The following ZFAND3 variants were observed in gnomAD, a reference collection of about 807,000 sequenced individuals.
ZFAND3 encodes zinc finger AN1-type containing 3.
A neutral mutation model predicts 29.6 loss-of-function variants in ZFAND3; 10 were observed. The ratio of observed to expected loss-of-function variants is 0.34; its 90% CI spans 0.21 to 0.57. The LOEUF (loss-of-function observed/expected upper bound fraction) is 0.57. ZFAND3 is among the 20% of genes least tolerant of loss of function. The pLI is 0.86. For synonymous variants in ZFAND3, 128 were observed against 112.6 expected (o/e 1.14, Z -0.87); for missense variants, 230 against 304.5 (o/e 0.76, Z 1.82).
intron 2 of ZFAND3, among the ~76,000 whole-genome samples, chr6:38,027,188 C>G (rs1474990484): frequency 6.6e-6 from 1 of 152,156 alleles, no homozygotes; most frequent in Non-Finnish European, 1.5e-5. Flanking sequence ...GGAATAGTTA[C>G]GAGAGTAGAT....
At chr6:37,921,380 T>A (rs1017437783) in intron 1 of ZFAND3, among the ~76,000 whole-genome samples, 2 of 152,074 alleles carry the variant, frequency 1.3e-5, no homozygotes, top group Non-Finnish European at 2.9e-5. Context: ...CTGTTTTTTT[T>A]TATACTTTTC....
chr6:38,093,741 A>G (rs1275292288), intron 4 of ZFAND3, among the ~76,000 whole-genome samples: 1 of 152,186 alleles, frequency 6.6e-6, no homozygotes, highest in East Asian at 1.9e-4. Context: ...TGAAATCATT[A>G]AAGAGGGCCT....
chr6:38,146,931 T>C (rs1177471099), intron 5 of ZFAND3, among the ~76,000 whole-genome samples: 1 of 152,234 alleles, frequency 6.6e-6, no homozygotes, highest in Non-Finnish European at 1.5e-5. Context: ...TCAGTGAATT[T>C]GATTTTTTTT....
chr6:37,913,511 C>T (rs1028597442), intron 1 of ZFAND3, among the ~76,000 whole-genome samples: 2 of 152,086 alleles, frequency 1.3e-5, no homozygotes, highest in Non-Finnish European at 2.9e-5. Flanking sequence ...ACAGTTATTT[C>T]CTTCACTGAA....
intron 1 of ZFAND3, among the ~76,000 whole-genome samples, chr6:37,880,538 C>A (rs1764873136): frequency 6.6e-6 from 1 of 152,034 alleles, no homozygotes; most frequent in Admixed American, 6.6e-5. Flanking sequence ...ATGAGATACC[C>A]CCTCTGAACC....
intron 5 of ZFAND3, among the ~76,000 whole-genome samples, chr6:38,133,940 G>T (rs1765792584): frequency 6.6e-6 from 1 of 152,096 alleles, no homozygotes; most frequent in Admixed American, 6.5e-5. Flanking sequence ...GTGAGGAGAG[G>T]ACTACAGCAG....
chr6:38,038,955 T>C (rs1763710590), intron 2 of ZFAND3, among the ~76,000 whole-genome samples: 1 of 152,186 alleles, frequency 6.6e-6, no homozygotes, highest in Non-Finnish European at 1.5e-5. Context: ...TTTTGAGAAG[T>C]AAAACTACGG....
In ZFAND3 at chr6:38,018,394, A is replaced by C. The variant is rs550767686; in HGVS notation, c.113-43199A>C. Reference sequence around the variant, plus strand: ...TTCCTCTTTACATTCTATTTTCAAAACATATAACGTTTTATTTTTTTAAAC... The same window carrying C: ...TTCCTCTTTACATTCTATTTTCAAACCATATAACGTTTTATTTTTTTAAAC... On this transcript the variant is annotated intron_variant, in intron 2 of 5. Transcript: ENST00000287218. 2.0e-5 allele frequency among the ~76,000 whole-genome samples: 3 copies of C among 152,340 alleles called. No individual in the cohort carries two copies. In the South Asian group the frequency reaches 6.2e-4, roughly 32 times the overall value.
At chr6:37,826,480 G>T (rs998067186) in intron 1 of ZFAND3, among the ~76,000 whole-genome samples, 1 of 152,178 alleles carries the variant, frequency 6.6e-6, no homozygotes, top group Non-Finnish European at 1.5e-5. Flanking sequence ...TTGGCTGGAT[G>T]CTGTGGCTGG....
At chr6:37,905,132 A>G (rs1217783305) in intron 1 of ZFAND3, among the ~76,000 whole-genome samples, 1 of 152,144 alleles carries the variant, frequency 6.6e-6, no homozygotes, top group Non-Finnish European at 1.5e-5. Context: ...TCATAACTAG[A>G]TTATAAATCC....
At chr6:38,095,677 C>T (rs1764964022) in intron 4 of ZFAND3, among the ~76,000 whole-genome samples, 1 of 152,148 alleles carries the variant, frequency 6.6e-6, no homozygotes. Flanking sequence ...TCCTGCATAT[C>T]TGAAAATTTT....
intron 1 of ZFAND3, among the ~76,000 whole-genome samples, chr6:37,899,204 G>A (rs1231247082): frequency 1.3e-5 from 2 of 152,028 alleles, no homozygotes; most frequent in Non-Finnish European, 2.9e-5. Flanking sequence ...CTGGCCATTC[G>A]TTTCTGATTT....
intron 1 of ZFAND3, among the ~76,000 whole-genome samples, chr6:37,904,700 A>G (rs891485897): frequency 2.6e-5 from 4 of 152,198 alleles, no homozygotes; most frequent in African/African-American, 4.8e-5. Flanking sequence ...AATGATGAAG[A>G]GGGGTGATTA....
intron 2 of ZFAND3, among the ~76,000 whole-genome samples, chr6:38,013,646 A>G (rs1428375555): frequency 6.6e-6 from 1 of 152,160 alleles, no homozygotes; most frequent in Non-Finnish European, 1.5e-5. Context: ...TCCTAGAACC[A>G]GTATTTCAAA....
Position 38,153,624 on chromosome 6 carries a change from A to G in ZFAND3, c.*1235A>G. 8 of 984,378 alleles carry G rather than the reference A, an allele frequency of 8.1e-6. No individual in the cohort carries two copies. The highest frequency in any genetic ancestry group is 9.6e-6 in the Non-Finnish European group (8 of 829,634). 61.0% of individuals were successfully genotyped at this position (984,378 alleles called of 1,614,324 possible). ...TACATTTCTCCACCTGTGCCCCCTC[A>G]TGTTCACAGAGGATTTCAGCAGCTG... On this transcript the variant is annotated 3_prime_UTR_variant, in exon 6 of 6. Coordinates refer to ENST00000287218, the MANE Select transcript of ZFAND3 (RefSeq NM_021943.3).
At chr6:38,000,307 A>G (rs1356295641) in intron 2 of ZFAND3, among the ~76,000 whole-genome samples, 1 of 152,210 alleles carries the variant, frequency 6.6e-6, no homozygotes. Context: ...TGTATTTCCC[A>G]TGCCCTCCAA....
intron 2 of ZFAND3, among the ~76,000 whole-genome samples, chr6:38,057,689 G>A (rs1561983420): frequency 6.6e-6 from 1 of 152,148 alleles, no homozygotes; most frequent in African/African-American, 2.4e-5. Flanking sequence ...TCTTTGTATT[G>A]CACAGACTTT....
chr6:37,893,815 A>G (rs148283777), intron 1 of ZFAND3, among the ~76,000 whole-genome samples: 335 of 152,038 alleles, frequency 2.2e-3, no homozygotes, highest in African/African-American at 7.6e-3. Context: ...TGGCTTCCCA[A>G]AGTGCTGGGA....
chr6:38,114,726 G>T (rs1364157512), intron 4 of ZFAND3, among the ~76,000 whole-genome samples: 1 of 152,166 alleles, frequency 6.6e-6, no homozygotes, highest in Non-Finnish European at 1.5e-5. Flanking sequence ...GGCTAGGAAA[G>T]GGCATACAGA....
Sources: allele counts gnomAD v4.1 joint callset (sites outside exome capture counted in the v4.1 genomes callset), GRCh38; gene constraint gnomAD v4.1.1; transcripts MANE v1.5; gene names NCBI Gene and HGNC (gene_info 2026-07-23, HGNC 2026-07-21).